Variants in NIPSNAP3B observed in about 807,000 individuals in gnomAD.
NIPSNAP3B encodes the protein nipsnap homolog 3B.
A neutral mutation model predicts 31.5 loss-of-function variants in NIPSNAP3B; 30 were observed. That is an observed-to-expected ratio of 0.95 (90% confidence interval 0.71 to 1.29). NIPSNAP3B has a LOEUF of 1.29. Ranked by LOEUF, NIPSNAP3B falls within the 50% of genes most tolerant of loss-of-function variation. The pLI is 0.00. For synonymous variants in NIPSNAP3B, 106 were observed against 107.9 expected, an observed-to-expected ratio of 0.98 and a Z score of 0.11; for missense variants, 269 against 300.7, an observed-to-expected ratio of 0.89 and a Z score of 0.78.
downstream of NIPSNAP3B, among the ~76,000 whole-genome samples, chr9:104,779,001 A>G (rs562906534): frequency 4.1e-4 from 63 of 152,332 alleles, no homozygotes; most frequent in Admixed American, 2.2e-3. Flanking sequence ...TACAAGAGAC[A>G]TTAGTACAGA....
chr9:104,779,149 A>C (rs566699447), downstream of NIPSNAP3B, among the ~76,000 whole-genome samples: 1 of 152,068 alleles, frequency 6.6e-6, no homozygotes, highest in East Asian at 1.9e-4. Context: ...TGAGCATGTC[A>C]CTCCTCAGAA....
At chr9:104,772,552 A>G (rs1017702776) in intron 4 of NIPSNAP3B, among the ~76,000 whole-genome samples, 7 of 152,170 alleles carry the variant, frequency 4.6e-5, no homozygotes, top group African/African-American at 1.7e-4. Context: ...AAAATAAAAC[A>G]TAGTAGGAAG....
In NIPSNAP3B at chr9:104,776,164, G is replaced by A. The variant is rs571904054; in HGVS notation, c.*3091G>A. 2.0e-4 allele frequency among the ~76,000 whole-genome samples: 30 copies of A among 152,032 alleles called. 1 individual carries two copies. Among genetic ancestry groups the A allele is most frequent in the South Asian group, 1.7e-3 (8 of 4,810 alleles). ...CTGTCCTGTTACATTTTCCACTCTCGCTCCAGACCTGACCTAAGAGGCTTT... is the reference window on the plus strand; with the variant it reads ...CTGTCCTGTTACATTTTCCACTCTCACTCCAGACCTGACCTAAGAGGCTTT... On this transcript the variant is annotated 3_prime_UTR_variant, in exon 6 of 6. Coordinates refer to ENST00000374762, the MANE Select transcript of NIPSNAP3B (RefSeq NM_018376.4).
At chr9:104,781,954 T>C (rs201061288), downstream of NIPSNAP3B, 5 of 152,304 alleles carry the variant, frequency 3.3e-5, 1 homozygote, top group East Asian at 5.8e-4. Context: ...TGTATAACTA[T>C]AGATTGTTTC....
rs1403239458 is a variant in NIPSNAP3B at position 104,773,643 on chromosome 9, G to T, written c.*570G>T. The T allele has an allele frequency of 6.6e-6, 1 of 152,060 alleles. No homozygotes were observed. The highest frequency in any genetic ancestry group is 2.4e-5 in the African/African-American group (1 of 41,406). 9.4% of individuals were successfully genotyped at this position (152,060 alleles called of 1,614,324 possible). A position where few individuals can be genotyped will look rare whatever the true frequency, so the allele number is the denominator to read the frequency against. On this transcript the variant is annotated 3_prime_UTR_variant, in exon 6 of 6. Transcript: ENST00000374762. ...ATTGATTATTAGTCATTCTAACTTG[G>T]AAAATAATGCAATTGGGTCACAGTG... is the stretch of plus-strand genomic sequence containing the variant.
In NIPSNAP3B at chr9:104,776,675, G is replaced by T. The variant is rs528561567; in HGVS notation, c.*3602G>T. ...CTCTTGTTACAGCAACCTGAACTAA[G>T]ACACTATCCCTCTCCCCTGCTTTCT... On this transcript the variant is annotated 3_prime_UTR_variant, in exon 6 of 6. Transcript: ENST00000374762. Among the ~76,000 whole-genome samples, 4 of 152,244 alleles carry T rather than the reference G, an allele frequency of 2.6e-5. No homozygotes were observed. The highest frequency in any genetic ancestry group is 4.2e-4 in the South Asian group (2 of 4,814).
At chr9:104,786,434 T>A in the NIPSNAP3B span, 1 of 1,538,368 alleles carries the variant, frequency 6.5e-7, no homozygotes, top group Non-Finnish European at 9.0e-7. Flanking sequence ...AGAGATTCTC[T>A]GTAACCATGA....
intron 1 of NIPSNAP3B, 92 bp downstream of exon 1, chr9:104,764,392 T>G: frequency 3.5e-6 from 4 of 1,148,690 alleles, no homozygotes; most frequent in African/African-American, 1.6e-5. Flanking sequence ...GCTCAGGCGC[T>G]CCCAGACCTG....
In NIPSNAP3B at chr9:104,764,404, G is replaced by A. The variant is rs1300364925; in HGVS notation, c.60+104G>A. The A allele has an allele frequency of 3.9e-6, 4 of 1,023,210 alleles. No individual in the cohort carries two copies. The African/African-American group carries it at 6.8e-5, about 17-fold the overall frequency. 63.4% of individuals were successfully genotyped at this position (1,023,210 alleles called of 1,614,324 possible). On this transcript the variant is annotated intron_variant, in intron 1 of 5. Transcript: ENST00000374762. ...CACGCTCAGGCGCTCCCAGACCTGG[G>A]GCCCCGCGCCGCCGCCGAAGTTCTA...
At position 104,764,211 on chromosome 9, in the gene NIPSNAP3B, G is replaced by A. The variant is rs1588164684; in HGVS notation, c.-30G>A. 1.9e-6 allele frequency: 3 copies of A among 1,591,328 alleles called. No homozygotes were observed. Among genetic ancestry groups the A allele is most frequent in the Non-Finnish European group, 2.6e-6 (3 of 1,170,040 alleles). On this transcript the variant is annotated 5_prime_UTR_variant, in exon 1 of 6. Coordinates refer to ENST00000374762, the MANE Select transcript of NIPSNAP3B (RefSeq NM_018376.4). ...GAGAAGTCTCACAAAGGACTCGGCT[G>A]GCTGCTTTTCTCAGTGCCGAAGCCG...
intron 2 of NIPSNAP3B, 79 bp from the exon 3 acceptor site, chr9:104,768,784 C>T (rs578125864): frequency 7.5e-7 from 1 of 1,334,998 alleles, no homozygotes; most frequent in Non-Finnish European, 1.0e-6. Flanking sequence ...TGCACGTTTG[C>T]TGAACTGAGT....
chr9:104,768,474 C>A (rs978000315), intron 2 of NIPSNAP3B, among the ~76,000 whole-genome samples: 4 of 152,188 alleles, frequency 2.6e-5, no homozygotes, highest in African/African-American at 9.7e-5. Flanking sequence ...GTGCCAAACA[C>A]CATTCTAAGC....
chr9:104,790,010 C>T, the NIPSNAP3B span, among the ~76,000 whole-genome samples: 28 of 151,824 alleles, frequency 1.8e-4, no homozygotes, highest in Middle Eastern at 3.2e-3. Context: ...GCAGGAGAAT[C>T]GCTTGAACCT....
the NIPSNAP3B span, chr9:104,785,714 C>T: frequency 1.0e-5 from 16 of 1,589,200 alleles, no homozygotes; most frequent in African/African-American, 1.3e-5. Context: ...CCTGGGAACC[C>T]AACTTGTGCC....
the NIPSNAP3B span, chr9:104,787,793 G>A: frequency 6.3e-7 from 1 of 1,597,794 alleles, no homozygotes. Flanking sequence ...GCTTTTCCAA[G>A]GTTGCTCTGC....
At chr9:104,787,899 T>C in the NIPSNAP3B span, 3 of 1,613,880 alleles carry the variant, frequency 1.9e-6, no homozygotes, top group Non-Finnish European at 2.5e-6. Context: ...ACAACAGTTT[T>C]CCATCCACAG....
intron 3 of NIPSNAP3B, among the ~76,000 whole-genome samples, chr9:104,770,190 T>A (rs1828183887): frequency 6.6e-6 from 1 of 152,170 alleles, no homozygotes; most frequent in Admixed American, 6.5e-5. Flanking sequence ...TGTATTTCTT[T>A]CCTTTTTCTT....
chr9:104,765,286 T>A (rs905063617), intron 1 of NIPSNAP3B, among the ~76,000 whole-genome samples: 3 of 152,236 alleles, frequency 2.0e-5, no homozygotes, highest in African/African-American at 7.2e-5. Context: ...AGATGCCTAC[T>A]GAAACTGTTG....
the NIPSNAP3B span, chr9:104,786,937 A>G: frequency 6.2e-7 from 1 of 1,614,030 alleles, no homozygotes; most frequent in South Asian, 1.1e-5. Flanking sequence ...TTCCACAAGA[A>G]CCGCCGGGCT....
Sources: allele counts gnomAD v4.1 joint callset (sites outside exome capture counted in the v4.1 genomes callset), GRCh38; gene constraint gnomAD v4.1.1; transcripts MANE v1.5; gene names NCBI Gene and HGNC (gene_info 2026-07-23, HGNC 2026-07-21).